Variants in ADAMTS9 observed in about 807,000 individuals in gnomAD.
ADAMTS9 encodes the protein A disintegrin and metalloproteinase with thrombospondin motifs 9.
A neutral mutation model predicts 257.1 loss-of-function variants in ADAMTS9; 107 were observed. The observed-to-expected ratio is 0.42, with a 90% CI of 0.36 to 0.49. The LOEUF is 0.49. Ranked by LOEUF, ADAMTS9 falls within the 20% of genes least tolerant of loss-of-function variation. The pLI, the probability that ADAMTS9 is intolerant of heterozygous loss-of-function variation, is 0.03. For missense variants in ADAMTS9, 2,353 were observed against 2,469.1 expected, an observed-to-expected ratio of 0.95 and a Z score of 1.00; for synonymous variants, 982 against 880.9, an observed-to-expected ratio of 1.11 and a Z score of -2.03.
In ADAMTS9 at chr3:64,539,210, C is replaced by T; in HGVS notation, c.5606G>A (p.Cys1869Tyr). The T allele has an allele frequency of 6.2e-7, 1 of 1,613,552 alleles. No homozygotes were observed. Among genetic ancestry groups the T allele is most frequent in the Non-Finnish European group, 8.5e-7 (1 of 1,179,508 alleles). Reference sequence around the variant, plus strand: ...AAGGCACCAAGGACATACCTGTGGGCACTTGGCAGCGCTGTAGCAATCCCC... The same window carrying T: ...AAGGCACCAAGGACATACCTGTGGGTACTTGGCAGCGCTGTAGCAATCCCC... ...TAGDCYSAAK[C>Y]PQGRFSINLY... Residue 1869 changes from cysteine to tyrosine, a missense_variant, in exon 37 of 40, where the codon TGC (cysteine) becomes TAC (tyrosine). Around this residue, in one of 3 missense-constraint regions of ADAMTS9, gnomAD observed 1,402 missense variants for 1,441.4 expected, o/e 0.97. Transcript: ENST00000498707.
At chr3:64,540,046 T>C (rs113041008) in intron 36 of ADAMTS9, among the ~76,000 whole-genome samples, 1 of 152,202 alleles carries the variant, frequency 6.6e-6, no homozygotes, top group Non-Finnish European at 1.5e-5. Context: ...CTTTCAGGAA[T>C]GGCCTTAATC....
intron 3 of ADAMTS9, among the ~76,000 whole-genome samples, chr3:64,670,772 C>T (rs2107014117): frequency 6.6e-6 from 1 of 152,264 alleles, no homozygotes; most frequent in East Asian, 1.9e-4. Flanking sequence ...AAGAAATACT[C>T]AATATCATTA....
chr3:64,609,845 G>A (rs572808659), intron 22 of ADAMTS9, among the ~76,000 whole-genome samples: 1 of 152,242 alleles, frequency 6.6e-6, no homozygotes, highest in East Asian at 1.9e-4. Flanking sequence ...AAAGAACAAA[G>A]CTGGGGGAAT....
chr3:64,555,096 G>A (rs1227616089), intron 30 of ADAMTS9, among the ~76,000 whole-genome samples: 1 of 152,166 alleles, frequency 6.6e-6, no homozygotes, highest in Non-Finnish European at 1.5e-5. Flanking sequence ...CTTCTCTAGT[G>A]CTGGGTTACC....
At chr3:64,535,710 C>T (rs560054358) in intron 37 of ADAMTS9, among the ~76,000 whole-genome samples, 13 of 151,948 alleles carry the variant, frequency 8.6e-5, no homozygotes, top group Admixed American at 6.5e-4. Context: ...TGCACCACCA[C>T]GCCCAGCTAA....
chr3:64,629,356 G>A (rs1240746112), intron 16 of ADAMTS9, among the ~76,000 whole-genome samples: 2 of 152,148 alleles, frequency 1.3e-5, no homozygotes, highest in Admixed American at 1.3e-4. Context: ...CTGAGTCCAA[G>A]CCAAAGTTCT....
At chr3:64,528,801 C>T (rs9868152) in intron 38 of ADAMTS9, among the ~76,000 whole-genome samples, 4,375 of 152,266 alleles carry the variant, frequency 0.029, 175 homozygotes, top group African/African-American at 0.09. Context: ...TTATGTTTCA[C>T]AATAAGTCAA....
chr3:64,676,274 C>T (rs1701623501), intron 3 of ADAMTS9, among the ~76,000 whole-genome samples: 1 of 152,170 alleles, frequency 6.6e-6, no homozygotes, highest in Admixed American at 6.5e-5. Context: ...TATTGGTCTC[C>T]AGTGACAAGT....
At chr3:64,578,348 C>G (rs912243511) in intron 28 of ADAMTS9, among the ~76,000 whole-genome samples, 1 of 151,010 alleles carries the variant, frequency 6.6e-6, no homozygotes, top group Non-Finnish European at 1.5e-5. Context: ...CAGTAATAAC[C>G]AGATAAAATG....
chr3:64,598,715 A>T (rs1254616511), intron 26 of ADAMTS9, among the ~76,000 whole-genome samples: 1 of 152,158 alleles, frequency 6.6e-6, no homozygotes, highest in East Asian at 1.9e-4. Flanking sequence ...CAGAATTTTA[A>T]ATGTTAGGAA....
At chr3:64,527,385 G>A (rs572890159) in intron 38 of ADAMTS9, among the ~76,000 whole-genome samples, 1 of 152,122 alleles carries the variant, frequency 6.6e-6, no homozygotes, top group South Asian at 2.1e-4. Flanking sequence ...TTTGATTTAG[G>A]AAGACCAGCA....
chr3:64,632,846 C>CA (rs1392160934), intron 14 of ADAMTS9, among the ~76,000 whole-genome samples: 6 of 146,492 alleles, frequency 4.1e-5, no homozygotes, highest in South Asian at 2.2e-4. Flanking sequence ...AAAAAACAAA[C>CA]AAAAAAAACA....
chr3:64,577,812 T>A (rs1215322760), intron 28 of ADAMTS9, among the ~76,000 whole-genome samples: 2 of 152,212 alleles, frequency 1.3e-5, no homozygotes, highest in East Asian at 3.8e-4. Context: ...AACCAATATC[T>A]GCCCCTTGGA....
At chr3:64,668,418 C>G (rs1701401966) in intron 3 of ADAMTS9, among the ~76,000 whole-genome samples, 2 of 152,134 alleles carry the variant, frequency 1.3e-5, no homozygotes, top group Admixed American at 1.3e-4. Context: ...ATACCAGAGA[C>G]AGCGTATTAC....
At chr3:64,571,851 C>T (rs1243699298) in intron 28 of ADAMTS9, among the ~76,000 whole-genome samples, 2 of 152,156 alleles carry the variant, frequency 1.3e-5, no homozygotes, top group Non-Finnish European at 2.9e-5. Context: ...ATCAAATAAA[C>T]ACAAGTTTCA....
chr3:64,516,902 A>C lies in ADAMTS9; in HGVS notation c.*225T>G, dbSNP rs2082781869. 1 of 152,634 alleles carries C rather than the reference A, an allele frequency of 6.6e-6. No homozygotes were observed. The highest frequency in any genetic ancestry group is 2.1e-4 in the South Asian group (1 of 4,830). The allele number at this position is 152,634 out of a possible 1,614,324, so 9.5% of individuals were successfully genotyped here. On this transcript the variant is annotated 3_prime_UTR_variant, in exon 40 of 40. Transcript: ENST00000498707. ...ATAAATAATTTCAAACATAAATATT[A>C]AACTTTACATCATTAGGATAGTCTA...
chr3:64,570,575 A>T (rs2083654355), intron 28 of ADAMTS9, among the ~76,000 whole-genome samples: 1 of 151,534 alleles, frequency 6.6e-6, no homozygotes, highest in South Asian at 2.1e-4. Context: ...AGGAATGCTT[A>T]GGTAGGGGAA....
intron 28 of ADAMTS9, among the ~76,000 whole-genome samples, chr3:64,590,293 A>G (rs953527227): frequency 6.6e-6 from 1 of 152,180 alleles, no homozygotes; most frequent in African/African-American, 2.4e-5. Context: ...GATTTGAGGG[A>G]GGGGTTGTAC....
At chr3:64,611,464 G>C (rs369831146) in intron 22 of ADAMTS9, among the ~76,000 whole-genome samples, 4 of 152,244 alleles carry the variant, frequency 2.6e-5, no homozygotes, top group Admixed American at 6.5e-5. Context: ...ACTGGTGGTT[G>C]CCAGGGACTG....
Sources: allele counts gnomAD v4.1 joint callset (sites outside exome capture counted in the v4.1 genomes callset), GRCh38; gene constraint gnomAD v4.1.1; regional missense constraint gnomAD v4.1.1; transcripts MANE v1.5; gene names NCBI Gene and HGNC (gene_info 2026-07-23, HGNC 2026-07-21).